Variants in CFAP299 observed in about 807,000 individuals in gnomAD.
CFAP299 encodes cilia and flagella associated protein 299.
In CFAP299, 21 loss-of-function variants were observed where a neutral mutation model predicts 27.0. The ratio of observed to expected loss-of-function variants is 0.78; its 90% CI spans 0.55 to 1.12. CFAP299 has a LOEUF of 1.12. Ranked by LOEUF, CFAP299 falls within the 50% of genes most tolerant of loss-of-function variation. CFAP299 has a pLI of 0.00. For synonymous variants in CFAP299, 104 were observed against 98.1 expected, an observed-to-expected ratio of 1.06 and a Z score of -0.36; for missense variants, 310 against 276.6, an observed-to-expected ratio of 1.12 and a Z score of -0.86.
At chr4:80,569,615 G>C (rs986100207) in intron 2 of CFAP299, among the ~76,000 whole-genome samples, 1 of 152,070 alleles carries the variant, frequency 6.6e-6, no homozygotes, top group Non-Finnish European at 1.5e-5. Context: ...AATAATGAGA[G>C]AGTTTAGCAA....
intron 3 of CFAP299, among the ~76,000 whole-genome samples, chr4:80,818,251 C>G (rs1287727657): frequency 6.6e-6 from 1 of 152,108 alleles, no homozygotes; most frequent in African/African-American, 2.4e-5. Flanking sequence ...CAGTCTATAG[C>G]TGATGGACGT....
intron 2 of CFAP299, among the ~76,000 whole-genome samples, chr4:80,504,321 A>G (rs1446665347): frequency 6.6e-6 from 1 of 151,560 alleles, no homozygotes; most frequent in East Asian, 1.9e-4. Flanking sequence ...GAAAGCCTTA[A>G]AAGTACACAA....
intron 2 of CFAP299, among the ~76,000 whole-genome samples, chr4:80,505,601 C>T (rs1031327546): frequency 5.3e-5 from 8 of 152,002 alleles, no homozygotes; most frequent in South Asian, 2.1e-4. Flanking sequence ...CACTTGAATA[C>T]TAAGCAATAC....
chr4:80,641,290 T>G (rs886582326), intron 3 of CFAP299, among the ~76,000 whole-genome samples: 6 of 152,138 alleles, frequency 3.9e-5, no homozygotes, highest in Non-Finnish European at 8.8e-5. Flanking sequence ...CTACAACCTC[T>G]GACTCCCGGG....
At chr4:80,869,619 T>G (rs1194579000) in intron 3 of CFAP299, among the ~76,000 whole-genome samples, 3 of 152,162 alleles carry the variant, frequency 2.0e-5, no homozygotes, top group Admixed American at 2.0e-4. Context: ...GTTCGAGCGA[T>G]TCCCCTGCCT....
At chr4:80,582,980 G>T (rs1578631821) in intron 2 of CFAP299, 113 bp from the exon 3 acceptor site, 1 of 542,846 alleles carries the variant, frequency 1.8e-6, no homozygotes, top group East Asian at 3.1e-5. Context: ...TTATTTATAT[G>T]GTTTTCATGT....
chr4:80,717,536 T>G (rs1489214249), intron 3 of CFAP299, among the ~76,000 whole-genome samples: 1 of 152,174 alleles, frequency 6.6e-6, no homozygotes, highest in Non-Finnish European at 1.5e-5. Context: ...TCTAAAGTCC[T>G]GAATTCCCCC....
chr4:80,645,330 A>G (rs1308259565), intron 3 of CFAP299, among the ~76,000 whole-genome samples: 1 of 150,662 alleles, frequency 6.6e-6, no homozygotes, highest in Non-Finnish European at 1.5e-5. Context: ...GGTATACAGC[A>G]CCAAGCTCTA....
At chr4:80,795,230 ATTTTC>A (rs1727788711) in intron 3 of CFAP299, among the ~76,000 whole-genome samples, 1 of 152,146 alleles carries the variant, frequency 6.6e-6, no homozygotes, top group Non-Finnish European at 1.5e-5. Context: ...TTTGTCATCA[ATTTTC>A]CAATCATGCT....
At chr4:80,752,419 C>T (rs1447431978) in intron 3 of CFAP299, among the ~76,000 whole-genome samples, 1 of 145,552 alleles carries the variant, frequency 6.9e-6, no homozygotes, top group Admixed American at 6.9e-5. Context: ...TATATATACA[C>T]ATATATATAA....
intron 3 of CFAP299, among the ~76,000 whole-genome samples, chr4:80,601,113 A>G (rs1048226737): frequency 6.6e-6 from 1 of 152,154 alleles, no homozygotes; most frequent in African/African-American, 2.4e-5. Context: ...ATAGGAAAAA[A>G]CTTTAAAAGT....
At chr4:80,636,446 G>A (rs1348420376) in intron 3 of CFAP299, among the ~76,000 whole-genome samples, 6 of 152,116 alleles carry the variant, frequency 3.9e-5, no homozygotes, top group African/African-American at 1.4e-4. Context: ...ACAAGTGTTA[G>A]CATTATGCTT....
At chr4:80,577,454 G>A (rs1159077724) in intron 2 of CFAP299, among the ~76,000 whole-genome samples, 4 of 143,706 alleles carry the variant, frequency 2.8e-5, no homozygotes, top group Non-Finnish European at 4.5e-5. Context: ...CCAGGCTGGA[G>A]TGCAGTGGTA....
At chr4:80,632,543 A>G (rs1424800212) in intron 3 of CFAP299, among the ~76,000 whole-genome samples, 1 of 152,190 alleles carries the variant, frequency 6.6e-6, no homozygotes, top group Non-Finnish European at 1.5e-5. Context: ...GGAAATTACT[A>G]CTGAGTGGGA....
chr4:80,920,920 A>T (rs116364212), intron 4 of CFAP299, among the ~76,000 whole-genome samples: 157 of 152,290 alleles, frequency 1.0e-3, no homozygotes, highest in African/African-American at 3.5e-3. Context: ...TCAACACAGT[A>T]CTTGTGAAAA....
At chr4:80,434,635 G>A (rs1305213734) in intron 2 of CFAP299, among the ~76,000 whole-genome samples, 1 of 152,152 alleles carries the variant, frequency 6.6e-6, no homozygotes. Context: ...TAATGAACAA[G>A]CACTAAACCT....
intron 2 of CFAP299, among the ~76,000 whole-genome samples, chr4:80,514,867 T>C (rs1023528676): frequency 2.0e-5 from 3 of 152,096 alleles, no homozygotes; most frequent in Admixed American, 2.0e-4. Flanking sequence ...AGTAATTTAG[T>C]AATCTCAAAT....
chr4:80,531,946 G>A (rs1733496078), intron 2 of CFAP299, among the ~76,000 whole-genome samples: 1 of 151,746 alleles, frequency 6.6e-6, no homozygotes. Flanking sequence ...GTAGAGACGG[G>A]GTTTCTCCAT....
At chr4:80,863,258 T>C (rs1381493062) in intron 3 of CFAP299, among the ~76,000 whole-genome samples, 1 of 151,820 alleles carries the variant, frequency 6.6e-6, no homozygotes, top group African/African-American at 2.4e-5. Flanking sequence ...CCCATTTCGA[T>C]GTATCAGTTT....
Sources: gnomAD v4.1 joint callset for allele counts (sites outside exome capture counted in the v4.1 genomes callset) on GRCh38, gnomAD v4.1.1 for gene constraint, MANE v1.5 for transcripts, NCBI Gene and HGNC (gene_info 2026-07-23, HGNC 2026-07-21) for gene names.